MAML3: variants seen among roughly 807,000 people sequenced by gnomAD.
The protein encoded by MAML3 is mastermind-like protein 3.
A neutral mutation model predicts 101.9 loss-of-function variants in MAML3; 27 were observed. The observed-to-expected ratio is 0.27, with a 90% CI of 0.20 to 0.37. The LOEUF is 0.37. Among genes scored for constraint, MAML3 ranks in the 10% least tolerant of loss-of-function variants. The probability of loss-of-function intolerance (pLI) is 1.00; values close to 1 mark genes in which losing one functional copy is unlikely to be tolerated. For synonymous variants in MAML3, 501 were observed against 555.9 expected, an observed-to-expected ratio of 0.90 and a Z score of 1.39; for missense variants, 1,316 against 1,444.9, an observed-to-expected ratio of 0.91 and a Z score of 1.45.
intron 1 of MAML3, among the ~76,000 whole-genome samples, chr4:140,072,471 G>C (rs1016829581): frequency 4.6e-5 from 7 of 152,112 alleles, no homozygotes; most frequent in African/African-American, 1.7e-4. Flanking sequence ...AGGAGTTCAA[G>C]ACCACCCTGA....
At chr4:140,107,759 C>T (rs1728376157) in intron 1 of MAML3, among the ~76,000 whole-genome samples, 1 of 151,494 alleles carries the variant, frequency 6.6e-6, no homozygotes, top group African/African-American at 2.4e-5. Context: ...CCAGTCTCAC[C>T]CTCCCAAAGT....
chr4:140,049,445 C>T (rs1465246037), intron 1 of MAML3, among the ~76,000 whole-genome samples: 1 of 152,154 alleles, frequency 6.6e-6, no homozygotes, highest in African/African-American at 2.4e-5. Flanking sequence ...AGCAACGCCA[C>T]CTGGCTCAGC....
chr4:139,873,341 G>T (rs1732051863), intron 2 of MAML3, among the ~76,000 whole-genome samples: 1 of 152,078 alleles, frequency 6.6e-6, no homozygotes, highest in South Asian at 2.1e-4. Context: ...GCTCACCTTT[G>T]CCAGCTCAGT....
intron 1 of MAML3, among the ~76,000 whole-genome samples, chr4:139,925,311 C>A (rs887467836): frequency 1.3e-5 from 2 of 152,146 alleles, no homozygotes; most frequent in Non-Finnish European, 2.9e-5. Context: ...CTCACTGCAA[C>A]CTTTGCCTCC....
intron 2 of MAML3, among the ~76,000 whole-genome samples, chr4:139,816,883 A>C (rs1200831461): frequency 6.6e-6 from 1 of 152,114 alleles, no homozygotes; most frequent in African/African-American, 2.4e-5. Context: ...ACACGGAGGG[A>C]ATATAATGAA....
intron 1 of MAML3, among the ~76,000 whole-genome samples, chr4:140,104,359 A>ATT (rs1192869421): frequency 3.4e-5 from 3 of 87,012 alleles, no homozygotes; most frequent in African/African-American, 8.1e-5. Flanking sequence ...AACCAAACCT[A>ATT]TTTTATATAT....
chr4:140,070,000 C>G (rs888705546), intron 1 of MAML3, among the ~76,000 whole-genome samples: 3 of 151,978 alleles, frequency 2.0e-5, no homozygotes, highest in Non-Finnish European at 4.4e-5. Flanking sequence ...CCTGTAATCC[C>G]AGCTACTCAG....
chr4:140,064,169 G>T (rs116305349), intron 1 of MAML3, among the ~76,000 whole-genome samples: 2,332 of 151,998 alleles, frequency 0.015, 54 homozygotes, highest in African/African-American at 0.052. Flanking sequence ...CACATAAATG[G>T]GCCTCTGCTT....
At chr4:139,806,901 G>A (rs985299830) in intron 2 of MAML3, among the ~76,000 whole-genome samples, 2 of 152,152 alleles carry the variant, frequency 1.3e-5, no homozygotes, top group African/African-American at 4.8e-5. Context: ...TAACTAGTAT[G>A]CATCACTTCC....
At chr4:139,873,994 T>C (rs1004356734) in intron 2 of MAML3, among the ~76,000 whole-genome samples, 3 of 152,262 alleles carry the variant, frequency 2.0e-5, no homozygotes, top group African/African-American at 7.2e-5. Context: ...GTTAAGTTTT[T>C]AAGTTTTATT....
At chr4:139,853,834 T>TA (rs1731604894) in intron 2 of MAML3, among the ~76,000 whole-genome samples, 1 of 151,916 alleles carries the variant, frequency 6.6e-6, no homozygotes, top group African/African-American at 2.4e-5. Flanking sequence ...TTTTTATTTT[T>TA]TTTTTGAGAT....
chr4:139,963,007 G>T (rs1306922371), intron 1 of MAML3, among the ~76,000 whole-genome samples: 1 of 152,050 alleles, frequency 6.6e-6, no homozygotes, highest in Non-Finnish European at 1.5e-5. Flanking sequence ...CAAACTTCTA[G>T]TTTATTTTTC....
chr4:139,908,092 T>C (rs1263814016), intron 1 of MAML3, among the ~76,000 whole-genome samples: 2 of 152,224 alleles, frequency 1.3e-5, no homozygotes, highest in Admixed American at 1.3e-4. Flanking sequence ...CAGTTAACTA[T>C]GCTCTGCTGC....
At chr4:140,103,461 G>A (rs1023398767) in intron 1 of MAML3, among the ~76,000 whole-genome samples, 1 of 152,156 alleles carries the variant, frequency 6.6e-6, no homozygotes, top group Non-Finnish European at 1.5e-5. Flanking sequence ...TTTGTGTTCT[G>A]AAAATCCTAA....
chr4:140,013,067 T>A (rs1483476979), intron 1 of MAML3, among the ~76,000 whole-genome samples: 1 of 152,262 alleles, frequency 6.6e-6, no homozygotes, highest in Non-Finnish European at 1.5e-5. Context: ...AAATGTCATG[T>A]TGCATTCCCA....
At chr4:139,971,357 G>A (rs1345691175) in intron 1 of MAML3, among the ~76,000 whole-genome samples, 2 of 152,194 alleles carry the variant, frequency 1.3e-5, no homozygotes, top group Non-Finnish European at 2.9e-5. Context: ...CACAGATTCT[G>A]TTTCAAATGT....
At chr4:139,900,196 T>C (rs1048101168) in intron 1 of MAML3, among the ~76,000 whole-genome samples, 2 of 152,340 alleles carry the variant, frequency 1.3e-5, no homozygotes, top group South Asian at 4.1e-4. Flanking sequence ...TGGAAGTACA[T>C]AAGGCTGATG....
intron 1 of MAML3, among the ~76,000 whole-genome samples, chr4:139,907,933 T>G (rs560408910): frequency 6.6e-6 from 1 of 152,218 alleles, no homozygotes; most frequent in Non-Finnish European, 1.5e-5. Context: ...AGGTTACATA[T>G]AGAAGCCGTC....
At chr4:140,046,128 C>T (rs1454511232) in intron 1 of MAML3, among the ~76,000 whole-genome samples, 1 of 152,142 alleles carries the variant, frequency 6.6e-6, no homozygotes, top group Non-Finnish European at 1.5e-5. Flanking sequence ...GCTGTACTTC[C>T]TGGCTCTTGT....
Sources: allele counts gnomAD v4.1 joint callset (sites outside exome capture counted in the v4.1 genomes callset), GRCh38; gene constraint gnomAD v4.1.1; transcripts MANE v1.5; gene names NCBI Gene and HGNC (gene_info 2026-07-23, HGNC 2026-07-21).